The following ZNRF3 variants were observed in gnomAD, a reference collection of about 807,000 sequenced individuals.
The protein encoded by ZNRF3 is zinc and ring finger 3.
Under a neutral mutation model 72.5 loss-of-function variants are expected in ZNRF3, and 23 were observed. The observed-to-expected ratio is 0.32, with a 90% CI of 0.23 to 0.45. ZNRF3 has a LOEUF of 0.45. ZNRF3 is among the 20% of genes least tolerant of loss of function. ZNRF3 has a pLI of 1.00. For synonymous variants in ZNRF3, 610 were observed against 545.3 expected (o/e 1.12, Z -1.65); for missense variants, 1,169 against 1,272.1 (o/e 0.92, Z 1.23).
rs1334250048 is a variant in ZNRF3, at chr22:28,922,268, G to A, written c.300+38202G>A. ...TACTTGAATGAATCAGGGAATTTTA[G>A]TTTGTTGTAATTATTTTTTTGTTTG... On this transcript the variant is annotated intron_variant, in intron 1 of 8. Transcript: ENST00000544604. Among the ~76,000 whole-genome samples the A allele has an allele frequency of 3.3e-5, 5 of 152,206 alleles. No individual in the cohort carries two copies. In the East Asian group the frequency reaches 9.6e-4, roughly 29 times the overall value.
At chr22:28,912,477 G>C (rs1443177555) in intron 1 of ZNRF3, among the ~76,000 whole-genome samples, 1 of 151,928 alleles carries the variant, frequency 6.6e-6, no homozygotes, top group Non-Finnish European at 1.5e-5. Flanking sequence ...GCCTCTTAAA[G>C]CACTCAATTA....
chr22:28,988,007 A>G (rs2035887271), intron 2 of ZNRF3, among the ~76,000 whole-genome samples: 1 of 152,210 alleles, frequency 6.6e-6, no homozygotes, highest in East Asian at 1.9e-4. Flanking sequence ...GAGGGTCAGC[A>G]TTACTTTGAC....
chr22:28,973,077 G>T (rs35942018), intron 1 of ZNRF3, among the ~76,000 whole-genome samples: 1 of 152,112 alleles, frequency 6.6e-6, no homozygotes, highest in Non-Finnish European at 1.5e-5. Context: ...CAAACTTGTG[G>T]GCTCAATCTT....
intron 2 of ZNRF3, among the ~76,000 whole-genome samples, chr22:29,023,044 A>T (rs900555841): frequency 1.3e-5 from 2 of 152,214 alleles, no homozygotes; most frequent in African/African-American, 4.8e-5. Flanking sequence ...GTTTTTAAAA[A>T]ATTCTTTCCT....
chr22:28,937,178 TA>T (rs1569252419), intron 1 of ZNRF3, among the ~76,000 whole-genome samples: 188 of 11,954 alleles, frequency 0.016, 2 homozygotes, highest in African/African-American at 0.034. Context: ...TCTTATAATA[TA>T]TATATATATA....
chr22:28,906,140 C>T (rs187590071), intron 1 of ZNRF3, among the ~76,000 whole-genome samples: 477 of 152,308 alleles, frequency 3.1e-3, no homozygotes, highest in Admixed American at 7.5e-3. Flanking sequence ...GCCTGGGCAA[C>T]GTGGTGAAAC....
chr22:28,983,975 T>C (rs1368657796), intron 1 of ZNRF3, among the ~76,000 whole-genome samples: 1 of 151,866 alleles, frequency 6.6e-6, no homozygotes, highest in Non-Finnish European at 1.5e-5. Flanking sequence ...CAGGACCCAG[T>C]TTCCTGAAGG....
chr22:28,976,018 C>T (rs761381986), intron 1 of ZNRF3, among the ~76,000 whole-genome samples: 5 of 152,206 alleles, frequency 3.3e-5, no homozygotes, highest in African/African-American at 1.2e-4. Context: ...AACTCTCAGT[C>T]ATTTCATTCC....
chr22:28,992,170 A>T (rs1183353409), intron 2 of ZNRF3, among the ~76,000 whole-genome samples: 1 of 101,132 alleles, frequency 9.9e-6, no homozygotes, highest in Non-Finnish European at 2.0e-5. Flanking sequence ...CTTCCCCCCA[A>T]CCCCCCGCCC....
chr22:28,894,100 G>A (rs986059628), intron 1 of ZNRF3, among the ~76,000 whole-genome samples: 7 of 151,954 alleles, frequency 4.6e-5, no homozygotes, highest in African/African-American at 1.7e-4. Flanking sequence ...GGGACTACAG[G>A]CATGCACCAC....
At position 29,022,269 on chromosome 22, in the gene ZNRF3, A is replaced by G. The variant is rs140227810; in HGVS notation, c.427-20226A>G. Among the ~76,000 whole-genome samples, 321 of 152,344 alleles carry G rather than the reference A, an allele frequency of 2.1e-3. 2 individuals are homozygous for G. Among genetic ancestry groups the G allele is most frequent in the Non-Finnish European group, 3.3e-3 (224 of 68,028 alleles). On this transcript the variant is annotated intron_variant, in intron 2 of 8. Coordinates refer to ENST00000544604, the MANE Select transcript of ZNRF3 (RefSeq NM_001206998.2). ...CCAGGATGATTGAAGTTACCTACGA[A>G]TTGTACATTAACCAACTAATGGCAG...
intron 1 of ZNRF3, among the ~76,000 whole-genome samples, chr22:28,984,834 C>T (rs988451768): frequency 6.6e-6 from 1 of 152,214 alleles, no homozygotes; most frequent in Non-Finnish European, 1.5e-5. Flanking sequence ...CACGGGCACC[C>T]TGGAGGAAAG....
intron 2 of ZNRF3, among the ~76,000 whole-genome samples, chr22:29,020,236 A>G (rs1453337729): frequency 1.3e-5 from 2 of 149,772 alleles, no homozygotes; most frequent in Non-Finnish European, 3.0e-5. Flanking sequence ...TGTTCAGTAC[A>G]GACACAACCA....
chr22:28,977,047 A>G (rs1307608436), intron 1 of ZNRF3, among the ~76,000 whole-genome samples: 1 of 152,176 alleles, frequency 6.6e-6, no homozygotes, highest in African/African-American at 2.4e-5. Flanking sequence ...TGCTTCCCCA[A>G]GTTTCTGACA....
At chr22:28,965,665 A>C (rs139245330) in intron 1 of ZNRF3, among the ~76,000 whole-genome samples, 289 of 152,340 alleles carry the variant, frequency 1.9e-3, no homozygotes, top group Admixed American at 3.1e-3. Flanking sequence ...ACAAGACAGA[A>C]GGGCTGGCAG....
intron 1 of ZNRF3, among the ~76,000 whole-genome samples, chr22:28,899,126 G>A: frequency 6.6e-6 from 1 of 151,990 alleles, no homozygotes; most frequent in Non-Finnish European, 1.5e-5. Flanking sequence ...CTCATCCTAG[G>A]AATTAGATGA....
intron 8 of ZNRF3, among the ~76,000 whole-genome samples, chr22:29,051,769 G>A (rs925726167): frequency 3.3e-5 from 5 of 151,468 alleles, no homozygotes; most frequent in East Asian, 1.9e-4. Flanking sequence ...TTAGCTGGGC[G>A]TAGCGGGCAC....
chr22:28,932,874 A>C (rs988319926), intron 1 of ZNRF3, among the ~76,000 whole-genome samples: 4 of 152,176 alleles, frequency 2.6e-5, no homozygotes, highest in African/African-American at 9.7e-5. Context: ...CCAGCAGTGA[A>C]TCTTTAATAC....
intron 1 of ZNRF3, among the ~76,000 whole-genome samples, chr22:28,939,250 C>T (rs1189997048): frequency 5.4e-5 from 8 of 147,146 alleles, no homozygotes; most frequent in African/African-American, 2.0e-4. Context: ...TGCCACTGCA[C>T]TCCAGCCTGG....
Sources: gnomAD v4.1 joint callset for allele counts (sites outside exome capture counted in the v4.1 genomes callset) on GRCh38, gnomAD v4.1.1 for gene constraint, MANE v1.5 for transcripts, NCBI Gene and HGNC (gene_info 2026-07-23, HGNC 2026-07-21) for gene names.